PM20D1: variants seen among roughly 807,000 people sequenced by gnomAD.
PM20D1 encodes peptidase M20 domain containing 1.
Under a neutral mutation model 53.8 loss-of-function variants are expected in PM20D1, and 53 were observed. The ratio of observed to expected loss-of-function variants is 0.98; its 90% CI spans 0.79 to 1.24. The LOEUF is 1.24. Ranked by LOEUF, PM20D1 falls within the 50% of genes most tolerant of loss-of-function variation. The probability of loss-of-function intolerance (pLI) is 0.00; values close to 1 mark genes in which losing one functional copy is unlikely to be tolerated. For missense variants in PM20D1, 564 were observed against 616.8 expected, an observed-to-expected ratio of 0.91 and a Z score of 0.91; for synonymous variants, 239 against 241.3, an observed-to-expected ratio of 0.99 and a Z score of 0.09.
intron 10 of PM20D1, among the ~76,000 whole-genome samples, chr1:205,834,266 C>A (rs945204619): frequency 6.6e-6 from 1 of 151,892 alleles, no homozygotes; most frequent in Non-Finnish European, 1.5e-5. Context: ...AGCAATTCTC[C>A]TGCCTTAGCC....
At chr1:205,834,156 CTTT>C (rs34037383) in intron 10 of PM20D1, among the ~76,000 whole-genome samples, 11 of 126,538 alleles carry the variant, frequency 8.7e-5, no homozygotes, top group Admixed American at 1.6e-4. Context: ...CCAAGAGTAC[CTTT>C]TTTTTTTTTT....
In PM20D1 at chr1:205,843,698, T is replaced by A. The variant is rs1264111719; in HGVS notation, c.796A>T (p.Ser266Cys). 6.2e-7 allele frequency: 1 copy of A among 1,614,016 alleles called. No individual in the cohort carries two copies. Among genetic ancestry groups the A allele is most frequent in the East Asian group, 2.2e-5 (1 of 44,902 alleles). Residue 266 changes from serine (S) to cysteine (C), a missense_variant, in exon 6 of 13, where the codon AGC (serine) becomes TGC (cysteine). Physicochemically the swap from Ser to Cys is moderately radical, Grantham distance 112 (BLOSUM62 -1). Transcript: ENST00000367136. ...GHSSAPPKET[S>C]IGILAAAVSR... ...ACAGCAGCTGCAAGGATGCCAATGC[T>A]TGTCTCCTTTGGAGGAGCTGAAGAG...
At chr1:205,843,917 A>C (rs1049026050) in intron 5 of PM20D1, 131 bp from the exon 6 acceptor site, 4 of 1,474,722 alleles carry the variant, frequency 2.7e-6, no homozygotes, top group Non-Finnish European at 3.6e-6. Context: ...AAAATTTTAT[A>C]CTGGAGGAAG....
Position 205,830,380 on chromosome 1 carries a change from C to T in PM20D1, c.1286-1G>A. On this transcript the variant is annotated splice_acceptor_variant, in intron 11 of 12. Coordinates refer to ENST00000367136, the MANE Select transcript of PM20D1 (RefSeq NM_152491.5). LOFTEE classifies it high-confidence loss of function. ...CTGTCTGTGTTGCCAATAGAAGTAA[C>T]TAGAGAGGGAAGATCAACAGGAAAG... 1.3e-6 allele frequency: 2 copies of T among 1,595,786 alleles called. No individual in the cohort carries two copies. The highest frequency in any genetic ancestry group is 1.7e-6 in the Non-Finnish European group (2 of 1,163,400).
At chr1:205,832,825 T>A (rs1656592964) in intron 10 of PM20D1, 59 bp from the exon 11 acceptor site, 26 of 1,473,652 alleles carry the variant, frequency 1.8e-5, no homozygotes, top group Non-Finnish European at 2.4e-5. Flanking sequence ...ATGTACAATA[T>A]GGGCTTAAAT....
chr1:205,849,203 G>T (rs1212753349), intron 1 of PM20D1, among the ~76,000 whole-genome samples: 2 of 152,150 alleles, frequency 1.3e-5, no homozygotes, highest in African/African-American at 4.8e-5. Context: ...GGTAAAGAAG[G>T]ATTTCATCCC....
chr1:205,845,378 G>T lies in PM20D1; in HGVS notation c.436C>A (p.Arg146Ser). 1 of 1,614,158 alleles carries T rather than the reference G, an allele frequency of 6.2e-7. No individual in the cohort carries two copies. The highest frequency in any genetic ancestry group is 8.5e-7 in the Non-Finnish European group (1 of 1,180,032). ...WEVPPFSGLE[R>S]DGIIYGRGTL... ...CCCCGACCATAGATGATGCCATCAC[G>T]CTCCAACCCAGAGAATGGGGGCACC... The change falls in exon 3 of 13, where the codon CGT (arginine) becomes AGT (serine). Residue 146 changes from arginine (R) to serine (S), a missense_variant. By Grantham distance (110) the Arg-to-Ser change is moderately radical. Coordinates refer to ENST00000367136, the MANE Select transcript of PM20D1 (RefSeq NM_152491.5).
chr1:205,834,860 A>G (rs925067169), intron 10 of PM20D1, among the ~76,000 whole-genome samples: 2 of 151,860 alleles, frequency 1.3e-5, no homozygotes, highest in African/African-American at 4.9e-5. Flanking sequence ...TGGGCCAGGC[A>G]GGGACTGTGT....
At chr1:205,840,093 A>G (rs6668798) in intron 10 of PM20D1, among the ~76,000 whole-genome samples, 159 bp downstream of exon 10, 24,853 of 152,112 alleles carry the variant, frequency 0.16, 2,713 homozygotes, top group African/African-American at 0.31. Context: ...CAGGATCTCC[A>G]ATCCTAATGA....
chr1:205,839,848 T>G lies in PM20D1; in HGVS notation c.1116+404A>C, dbSNP rs559686051. ...ATCGCTTGAACCCGGGAGGCGGAGGTTGTAGTGAGCCAAGATCGTGCCACT... is the reference window on the plus strand; with the variant it reads ...ATCGCTTGAACCCGGGAGGCGGAGGGTGTAGTGAGCCAAGATCGTGCCACT... On this transcript the variant is annotated intron_variant, in intron 10 of 12. Coordinates refer to ENST00000367136, the MANE Select transcript of PM20D1 (RefSeq NM_152491.5). 2.4e-3 allele frequency among the ~76,000 whole-genome samples: 326 copies of G among 133,252 alleles called. 1 individual carries two copies. The highest frequency in any genetic ancestry group is 8.9e-3 in the African/African-American group (309 of 34,906). 87.4% of individuals were successfully genotyped at this position (133,252 alleles called of 152,430 possible). A position where few individuals can be genotyped will look rare whatever the true frequency, so the allele number is the denominator to read the frequency against.
intron 10 of PM20D1, 140 bp downstream of exon 10, chr1:205,840,112 G>T (rs1189122595): frequency 3.3e-6 from 2 of 612,452 alleles, no homozygotes; most frequent in Non-Finnish European, 5.3e-6. Context: ...GAAGTATCCG[G>T]TGCATAGGTT....
At chr1:205,837,307 T>C (rs1656705287) in intron 10 of PM20D1, among the ~76,000 whole-genome samples, 1 of 152,226 alleles carries the variant, frequency 6.6e-6, no homozygotes, top group African/African-American at 2.4e-5. Context: ...AGCACAATCA[T>C]TGTCCAAGAT....
rs373623907 is a variant in PM20D1 at position 205,832,752 on chromosome 1, C to T, written c.1131G>A (p.Thr377=). Residue 377 remains threonine (T), a synonymous_variant, in exon 11 of 13, where the codon ACG becomes ACA. Transcript: ENST00000367136. ...GQTVQEVLEL[T]KNIVADNRVQ... is the part of the protein sequence containing the mutation. ...CTCTGTTATCAGCCACAATGTTCTTCGTGAGTTCTAGGACCTCCAGGGTAG... is the reference window on the plus strand; with the variant it reads ...CTCTGTTATCAGCCACAATGTTCTTTGTGAGTTCTAGGACCTCCAGGGTAG... 10 of 1,600,246 alleles carry T rather than the reference C, an allele frequency of 6.2e-6. No homozygotes were observed. The highest frequency in any genetic ancestry group is 5.2e-5 in the Admixed American group (3 of 58,244).
intron 7 of PM20D1, 85 bp from the exon 8 acceptor site, chr1:205,842,300 C>A: frequency 7.9e-7 from 1 of 1,265,056 alleles, no homozygotes. Context: ...TACTTTAGAG[C>A]TGCCTCAGGG....
At chr1:205,840,158 T>C in intron 10 of PM20D1, 94 bp downstream of exon 10, 1 of 1,049,812 alleles carries the variant, frequency 9.5e-7, no homozygotes, top group Non-Finnish European at 1.3e-6. Context: ...AATGGGACAC[T>C]GGACCAGCCC....
intron 8 of PM20D1, 106 bp downstream of exon 8, chr1:205,842,048 G>A (rs748834998): frequency 3.0e-5 from 38 of 1,258,284 alleles, no homozygotes; most frequent in Non-Finnish European, 3.8e-5. Flanking sequence ...GCAGTATCTG[G>A]TGGCTGAGGG....
intron 12 of PM20D1, 67 bp from the exon 13 acceptor site, chr1:205,828,810 C>T (rs1656497482): frequency 6.3e-7 from 1 of 1,586,800 alleles, no homozygotes; most frequent in African/African-American, 1.3e-5. Context: ...AGTGTTATCA[C>T]AGAGCACTTC....
Position 205,842,653 on chromosome 1 carries a change from GTATGTGATACTTCTT to G in PM20D1, c.903+8_903+22del, listed in dbSNP as rs746849030. The G allele has an allele frequency of 6.8e-6, 11 of 1,609,532 alleles. No homozygotes were observed. Among genetic ancestry groups the G allele is most frequent in the Non-Finnish European group, 8.5e-6 (10 of 1,176,192 alleles). ...GTCTTTTGTTCCTAGCTGATTAGGA[GTATGTGATACTTCTT>G]CCCATACCTCATTTGCCAGTTGCTG... On this transcript the variant is annotated splice_region_variant and intron_variant, in intron 7 of 12. Transcript: ENST00000367136.
chr1:205,849,980 C>T lies in PM20D1; in HGVS notation c.93G>A (p.Gly31=). The change falls in exon 1 of 13, where the codon GGG becomes GGA. Residue 31 remains glycine (G), a synonymous_variant. Coordinates refer to ENST00000367136, the MANE Select transcript of PM20D1 (RefSeq NM_152491.5). ...GGATTCGCGACGCCCTTTGATGCTC[C>T]CCGCTCCTCGGGCCCATCGATCTGG... is the stretch of plus-strand genomic sequence containing the variant. ...TVSRSMGPRS[G]EHQRASRIPS... The T allele has an allele frequency of 6.2e-7, 1 of 1,614,142 alleles. No individual in the cohort carries two copies. The highest frequency in any genetic ancestry group is 1.1e-5 in the South Asian group (1 of 91,070).
Sources: gnomAD v4.1 joint callset for allele counts (sites outside exome capture counted in the v4.1 genomes callset) on GRCh38, gnomAD v4.1.1 for gene constraint, MANE v1.5 for transcripts, NCBI Gene and HGNC (gene_info 2026-07-23, HGNC 2026-07-21) for gene names.